STXBP5L: variants seen among roughly 807,000 people sequenced by gnomAD.
STXBP5L encodes the protein syntaxin-binding protein 5-like.
Under a neutral mutation model 144.5 loss-of-function variants are expected in STXBP5L, and 65 were observed. That is an observed-to-expected ratio of 0.45 (90% CI 0.37 to 0.55). The LOEUF (loss-of-function observed/expected upper bound fraction) is 0.55. Ranked by LOEUF, STXBP5L falls within the 20% of genes least tolerant of loss-of-function variation. STXBP5L has a pLI of 0.00. For synonymous variants in STXBP5L, 505 were observed against 469.6 expected (o/e 1.08, Z -0.97); for missense variants, 1,298 against 1,405.5 (o/e 0.92, Z 1.22).
intron 3 of STXBP5L, among the ~76,000 whole-genome samples, chr3:121,003,488 C>T (rs1261238435): frequency 1.3e-5 from 2 of 152,162 alleles, no homozygotes; most frequent in Non-Finnish European, 2.9e-5. Context: ...AAAATTTTCT[C>T]CCATGCTCTA....
chr3:121,186,186 G>A (rs2047375082), intron 9 of STXBP5L, among the ~76,000 whole-genome samples: 1 of 152,200 alleles, frequency 6.6e-6, no homozygotes, highest in African/African-American at 2.4e-5. Context: ...ATCAGCTTAA[G>A]GAGGTTGTGG....
chr3:120,915,698 A>T (rs562316890), intron 2 of STXBP5L, among the ~76,000 whole-genome samples: 9 of 152,252 alleles, frequency 5.9e-5, no homozygotes, highest in African/African-American at 2.2e-4. Context: ...ATATAGATTA[A>T]GTATTCTGAA....
chr3:121,127,157 C>A (rs1041868677), intron 7 of STXBP5L, among the ~76,000 whole-genome samples: 6 of 148,540 alleles, frequency 4.0e-5, no homozygotes, highest in African/African-American at 1.6e-4. Context: ...GGAACTCCTA[C>A]CTCATGTAGC....
At chr3:121,204,345 G>A (rs1346039908) in intron 9 of STXBP5L, among the ~76,000 whole-genome samples, 2 of 152,130 alleles carry the variant, frequency 1.3e-5, no homozygotes, top group South Asian at 2.1e-4. Context: ...ATATGGCACA[G>A]TATGTATATT....
chr3:121,139,267 T>C (rs2045391971), intron 7 of STXBP5L, among the ~76,000 whole-genome samples: 1 of 152,074 alleles, frequency 6.6e-6, no homozygotes, highest in South Asian at 2.1e-4. Flanking sequence ...AAATGATGAA[T>C]ATTTAAGGTG....
At chr3:120,984,221 A>G (rs1215353250) in intron 3 of STXBP5L, among the ~76,000 whole-genome samples, 1 of 152,188 alleles carries the variant, frequency 6.6e-6, no homozygotes, top group East Asian at 1.9e-4. Context: ...TGTGAGTGAC[A>G]TTATGCCAGC....
intron 3 of STXBP5L, among the ~76,000 whole-genome samples, chr3:121,012,126 GCATGTATCAATA>G (rs556905906): frequency 6.5e-4 from 98 of 151,822 alleles, no homozygotes; most frequent in African/African-American, 2.3e-3. Context: ...CAAAGTTTAT[GCATGTATCAATA>G]CTTGATTTTT....
At chr3:121,111,950 G>A (rs1371805033) in intron 5 of STXBP5L, among the ~76,000 whole-genome samples, 1 of 152,064 alleles carries the variant, frequency 6.6e-6, no homozygotes, top group Non-Finnish European at 1.5e-5. Flanking sequence ...CTGCAGAGAG[G>A]CCCCCATCCA....
At chr3:121,131,210 C>A (rs1275192845) in intron 7 of STXBP5L, among the ~76,000 whole-genome samples, 1 of 152,104 alleles carries the variant, frequency 6.6e-6, no homozygotes, top group Non-Finnish European at 1.5e-5. Flanking sequence ...GGAAATCATA[C>A]TAAAACTAAG....
intron 9 of STXBP5L, among the ~76,000 whole-genome samples, chr3:121,203,327 T>A (rs76893553): frequency 0.019 from 2,934 of 152,278 alleles, 88 homozygotes; most frequent in African/African-American, 0.066. Context: ...AATCTTTTAA[T>A]CTAGTCAAAT....
intron 19 of STXBP5L, among the ~76,000 whole-genome samples, chr3:121,313,069 G>T (rs2043603132): frequency 6.7e-6 from 1 of 150,010 alleles, no homozygotes; most frequent in Admixed American, 6.6e-5. Flanking sequence ...TCCCGGATGG[G>T]GCGGCTGGCC....
At chr3:121,094,053 T>C (rs1375359210) in intron 5 of STXBP5L, among the ~76,000 whole-genome samples, 1 of 152,206 alleles carries the variant, frequency 6.6e-6, no homozygotes, top group East Asian at 1.9e-4. Context: ...CAGGAGCAGG[T>C]TGTTCAATTT....
intron 22 of STXBP5L, among the ~76,000 whole-genome samples, chr3:121,397,951 A>G (rs956725811): frequency 3.3e-5 from 5 of 152,292 alleles, no homozygotes; most frequent in African/African-American, 1.2e-4. Flanking sequence ...GTATCTACCA[A>G]ACCTTTAAAT....
intron 9 of STXBP5L, among the ~76,000 whole-genome samples, chr3:121,183,159 G>A (rs775791209): frequency 7.9e-5 from 12 of 152,136 alleles, no homozygotes; most frequent in Admixed American, 1.3e-4. Context: ...AATAAAAGCC[G>A]TCTAAGACAA....
At chr3:121,341,868 G>A (rs1400895970) in intron 20 of STXBP5L, among the ~76,000 whole-genome samples, 2 of 151,802 alleles carry the variant, frequency 1.3e-5, no homozygotes, top group Non-Finnish European at 2.9e-5. Flanking sequence ...GTAGTGAAGG[G>A]AAAGTGGGAT....
intron 2 of STXBP5L, among the ~76,000 whole-genome samples, chr3:120,953,853 T>C (rs912024790): frequency 6.6e-6 from 1 of 152,178 alleles, no homozygotes; most frequent in South Asian, 2.1e-4. Context: ...CAATATTGAA[T>C]AGAGGTGGAT....
intron 14 of STXBP5L, among the ~76,000 whole-genome samples, chr3:121,241,168 C>T (rs2049653220): frequency 6.6e-6 from 1 of 152,026 alleles, no homozygotes; most frequent in South Asian, 2.1e-4. Flanking sequence ...ACATGGAAGT[C>T]AGTTCCCTAA....
intron 2 of STXBP5L, among the ~76,000 whole-genome samples, chr3:120,950,171 G>T (rs544199713): frequency 1.3e-5 from 2 of 151,798 alleles, no homozygotes; most frequent in Non-Finnish European, 2.9e-5. Context: ...TTAAACGTAC[G>T]ATCCATTTTG....
chr3:120,933,884 A>T (rs1200306970), intron 2 of STXBP5L, among the ~76,000 whole-genome samples: 3 of 152,058 alleles, frequency 2.0e-5, no homozygotes, highest in Admixed American at 6.6e-5. Flanking sequence ...CCAAAGTTTT[A>T]AAAAAATCTC....
Sources: gnomAD v4.1 joint callset for allele counts (sites outside exome capture counted in the v4.1 genomes callset) on GRCh38, gnomAD v4.1.1 for gene constraint, MANE v1.5 for transcripts, NCBI Gene and HGNC (gene_info 2026-07-23, HGNC 2026-07-21) for gene names.